EFCAB6: variants seen among roughly 807,000 people sequenced by gnomAD.
The protein encoded by EFCAB6 is EF-hand calcium binding domain 6.
Under a neutral mutation model 169.8 loss-of-function variants are expected in EFCAB6, and 156 were observed. The observed-to-expected ratio is 0.92, with a 90% CI of 0.81 to 1.05. The LOEUF (loss-of-function observed/expected upper bound fraction) is 1.05. Among genes scored for constraint, EFCAB6 ranks in the 50% least tolerant of loss-of-function variants. The pLI is 0.00. For missense variants in EFCAB6, 1,800 were observed against 1,829.1 expected, an observed-to-expected ratio of 0.98 and a Z score of 0.29; for synonymous variants, 698 against 676.4, an observed-to-expected ratio of 1.03 and a Z score of -0.50.
Position 43,548,198 on chromosome 22 carries a change from T to C in EFCAB6, c.3648+6671A>G, listed in dbSNP as rs188052649. On this transcript the variant is annotated intron_variant, in intron 27 of 31. Coordinates refer to ENST00000262726, the MANE Select transcript of EFCAB6 (RefSeq NM_022785.4). ...CATACATATCAGTAATGTATGTAAA[T>C]GGGTCAAACATCCATATAAATAAAT... 5.2e-3 allele frequency among the ~76,000 whole-genome samples: 790 copies of C among 152,200 alleles called. 4 individuals are homozygous for C. Among genetic ancestry groups the C allele is most frequent in the Middle Eastern group, 0.041 (12 of 294 alleles).
At chr22:43,776,743 A>G (rs1354918213) in intron 3 of EFCAB6, among the ~76,000 whole-genome samples, 1 of 152,188 alleles carries the variant, frequency 6.6e-6, no homozygotes, top group East Asian at 1.9e-4. Flanking sequence ...GAACAGTGAG[A>G]GGTCAGGCCA....
chr22:43,600,647 G>GA (rs200775799), intron 22 of EFCAB6, among the ~76,000 whole-genome samples: 5,191 of 110,690 alleles, frequency 0.047, 103 homozygotes, highest in African/African-American at 0.052. Context: ...CGTTTAGCAG[G>GA]GTTTTTTTTT....
chr22:43,535,509 G>C (rs1205489840), intron 29 of EFCAB6: 1 of 152,262 alleles, frequency 6.6e-6, no homozygotes, highest in Non-Finnish European at 1.5e-5. Context: ...GAGTGTTGCT[G>C]GTGGCCGAGA....
At chr22:43,732,672 G>A (rs1156461481) in intron 7 of EFCAB6, among the ~76,000 whole-genome samples, 1 of 151,670 alleles carries the variant, frequency 6.6e-6, no homozygotes, top group East Asian at 1.9e-4. Context: ...TTTCCATGTT[G>A]GCCAGGCTGG....
intron 25 of EFCAB6, among the ~76,000 whole-genome samples, chr22:43,578,460 G>A (rs188087034): frequency 1.7e-4 from 26 of 152,168 alleles, no homozygotes; most frequent in Middle Eastern, 3.4e-3. Flanking sequence ...GGATGATTCC[G>A]ACGCTGCCTT....
At chr22:43,692,993 G>A (rs2058461365) in intron 10 of EFCAB6, among the ~76,000 whole-genome samples, 1 of 152,080 alleles carries the variant, frequency 6.6e-6, no homozygotes, top group African/African-American at 2.4e-5. Context: ...AATGCAATAA[G>A]AGAAAAGTGA....
chr22:43,790,706 G>A (rs536917497), intron 2 of EFCAB6, among the ~76,000 whole-genome samples: 2 of 152,290 alleles, frequency 1.3e-5, no homozygotes, highest in Admixed American at 6.5e-5. Context: ...CTGGCCTCTG[G>A]GTTAAAGGAA....
intron 20 of EFCAB6, among the ~76,000 whole-genome samples, chr22:43,617,793 A>G (rs973730650): frequency 2.0e-5 from 3 of 152,150 alleles, no homozygotes; most frequent in Non-Finnish European, 4.4e-5. Context: ...AGAAACTTAG[A>G]ACAAACACAC....
intron 12 of EFCAB6, among the ~76,000 whole-genome samples, 165 bp from the exon 13 acceptor site, chr22:43,678,328 A>ACT (rs1247149816): frequency 1.2e-5 from 1 of 82,934 alleles, no homozygotes; most frequent in Non-Finnish European, 2.6e-5. Context: ...TAACATGAGC[A>ACT]CTGTGTGTGT....
intron 2 of EFCAB6, among the ~76,000 whole-genome samples, chr22:43,791,211 A>G (rs552782853): frequency 1.1e-4 from 17 of 152,084 alleles, no homozygotes; most frequent in Admixed American, 1.3e-4. Flanking sequence ...CTGTCACTAC[A>G]AAAATACAAA....
intron 24 of EFCAB6, among the ~76,000 whole-genome samples, chr22:43,581,005 A>G (rs750767290): frequency 6.6e-6 from 1 of 152,218 alleles, no homozygotes; most frequent in Non-Finnish European, 1.5e-5. Flanking sequence ...ATCTGGCCCT[A>G]TGACGGGGGC....
At chr22:43,599,967 T>C (rs1031230576) in intron 23 of EFCAB6, 102 bp downstream of exon 23, 54 of 1,270,610 alleles carry the variant, frequency 4.2e-5, no homozygotes, top group Non-Finnish European at 5.2e-5. Context: ...TCCCTGTAAC[T>C]TTGCCAGCAT....
chr22:43,739,594 T>C (rs2060292703), intron 6 of EFCAB6, among the ~76,000 whole-genome samples: 1 of 152,084 alleles, frequency 6.6e-6, no homozygotes, highest in African/African-American at 2.4e-5. Context: ...GATGTCCCCC[T>C]TGAGACTCTA....
At chr22:43,810,018 G>A (rs1170000821) in intron 1 of EFCAB6, among the ~76,000 whole-genome samples, 1 of 151,954 alleles carries the variant, frequency 6.6e-6, no homozygotes, top group South Asian at 2.1e-4. Flanking sequence ...CTCCCATCTC[G>A]GCCTCCTGAG....
chr22:43,703,530 G>T (rs957637495), intron 10 of EFCAB6, among the ~76,000 whole-genome samples: 2 of 151,982 alleles, frequency 1.3e-5, no homozygotes, highest in African/African-American at 4.8e-5. Context: ...TGTATTAAAT[G>T]ATAGACAAGG....
At chr22:43,772,130 CT>C (rs1342186540) in intron 4 of EFCAB6, among the ~76,000 whole-genome samples, 1 of 152,214 alleles carries the variant, frequency 6.6e-6, no homozygotes, top group Non-Finnish European at 1.5e-5. Flanking sequence ...GTCGTGGCCC[CT>C]CTCCCAGCAC....
At chr22:43,749,654 C>T (rs78069024) in intron 6 of EFCAB6, among the ~76,000 whole-genome samples, 3,030 of 151,976 alleles carry the variant, frequency 0.02, 104 homozygotes, top group African/African-American at 0.07. Flanking sequence ...ATTTGCCCAC[C>T]GCTCACCTCC....
chr22:43,647,808 C>T (rs2056256297), intron 17 of EFCAB6, among the ~76,000 whole-genome samples: 1 of 152,178 alleles, frequency 6.6e-6, no homozygotes, highest in Non-Finnish European at 1.5e-5. Flanking sequence ...GAGGTTGGAG[C>T]AACGCAGCTA....
chr22:43,792,614 A>C (rs2062343192), intron 2 of EFCAB6, among the ~76,000 whole-genome samples: 1 of 152,220 alleles, frequency 6.6e-6, no homozygotes, highest in African/African-American at 2.4e-5. Flanking sequence ...TGAAACTTAT[A>C]GTTATCATTT....
Sources: allele counts gnomAD v4.1 joint callset (sites outside exome capture counted in the v4.1 genomes callset), GRCh38; gene constraint gnomAD v4.1.1; transcripts MANE v1.5; gene names NCBI Gene and HGNC (gene_info 2026-07-23, HGNC 2026-07-21).